INTS8: variants seen among roughly 807,000 people sequenced by gnomAD.
The protein encoded by INTS8 is protein kaonashi-1.
INTS8 carries 47 observed loss-of-function variants against 138.9 expected under a neutral mutation model. That is an observed-to-expected ratio of 0.34 (90% CI 0.27 to 0.43). The LOEUF is 0.43. Ranked by LOEUF, INTS8 falls within the 20% of genes least tolerant of loss-of-function variation. INTS8 has a pLI of 1.00. For missense variants in INTS8, 996 were observed against 1,173.0 expected (o/e 0.85, Z 2.20); for synonymous variants, 392 against 400.9 (o/e 0.98, Z 0.27).
At chr8:94,837,935 A>G (rs545419866) in intron 7 of INTS8, among the ~76,000 whole-genome samples, 1 of 152,290 alleles carries the variant, frequency 6.6e-6, no homozygotes, top group Admixed American at 6.5e-5. Flanking sequence ...GGGACGAACA[A>G]AAACAGACCA....
rs538896447 is a variant in INTS8 at position 94,842,863 on chromosome 8, T to C, written c.1260+375T>C. On this transcript the variant is annotated intron_variant, in intron 10 of 26. Transcript: ENST00000523731. ...AAGAACTCCCAAATCAAGCCTCTTG[T>C]CTGTCATGTGTGCTGTGGAATCTGT... Among the ~76,000 whole-genome samples the C allele has an allele frequency of 2.0e-5, 3 of 152,354 alleles. No homozygotes were observed. The South Asian group carries it at 6.2e-4, about 32-fold the overall frequency.
At chr8:94,863,194 A>G (rs1008368634) in intron 16 of INTS8, among the ~76,000 whole-genome samples, 2 of 152,194 alleles carry the variant, frequency 1.3e-5, no homozygotes, top group Non-Finnish European at 2.9e-5. Flanking sequence ...GTGCTAGTAT[A>G]GGCTAAAACC....
At chr8:94,857,918 G>A (rs1242157081) in intron 15 of INTS8, among the ~76,000 whole-genome samples, 1 of 152,212 alleles carries the variant, frequency 6.6e-6, no homozygotes, top group East Asian at 1.9e-4. Flanking sequence ...GTGTTTGAAA[G>A]AATCAAAATG....
Position 94,859,631 on chromosome 8 carries a change from AG to A in INTS8, c.2076+1del. The A allele has an allele frequency of 6.2e-7, 1 of 1,605,712 alleles. No homozygotes were observed. The highest frequency in any genetic ancestry group is 8.5e-7 in the Non-Finnish European group (1 of 1,173,056). On this transcript the variant is annotated frameshift_variant and splice_region_variant, in exon 16 of 27. Transcript: ENST00000523731. LOFTEE classifies it high-confidence loss of function. The part of the protein sequence containing the change: ...AFLLQSNPYV[K>X]LGQLLAATCK... Reference sequence around the variant, plus strand: ...TTGCTTCAGAGTAATCCATATGTAAAGGTAGTTAATGTTTAAATAAAAGGAT... The same window carrying A: ...TTGCTTCAGAGTAATCCATATGTAAAGTAGTTAATGTTTAAATAAAAGGAT...
intron 16 of INTS8, among the ~76,000 whole-genome samples, chr8:94,862,058 A>G (rs1471292035): frequency 6.6e-5 from 10 of 151,682 alleles, no homozygotes; most frequent in Admixed American, 6.6e-4. Flanking sequence ...CTTGTGCCTC[A>G]GCCTCCCAAG....
chr8:94,870,206 C>T (rs1816347158), intron 20 of INTS8, among the ~76,000 whole-genome samples: 1 of 152,080 alleles, frequency 6.6e-6, no homozygotes, highest in South Asian at 2.1e-4. Flanking sequence ...CGCCCACCAC[C>T]ATGCCTGGCT....
intron 16 of INTS8, among the ~76,000 whole-genome samples, chr8:94,865,291 A>G (rs1816138038): frequency 6.6e-6 from 1 of 152,118 alleles, no homozygotes; most frequent in African/African-American, 2.4e-5. Context: ...CAAAGTTCGT[A>G]TGCTCGAACC....
chr8:94,858,931 C>A (rs1815851404), intron 15 of INTS8, among the ~76,000 whole-genome samples: 1 of 152,154 alleles, frequency 6.6e-6, no homozygotes, highest in South Asian at 2.1e-4. Context: ...ATTAAATGTT[C>A]AGCAACTTGT....
intron 16 of INTS8, among the ~76,000 whole-genome samples, 166 bp from the exon 17 acceptor site, chr8:94,865,340 T>A (rs1367128597): frequency 6.6e-6 from 1 of 152,214 alleles, no homozygotes; most frequent in African/African-American, 2.4e-5. Flanking sequence ...CAGTACGCAA[T>A]GAGCCCTAAA....
rs28399591 is a variant in INTS8, at chr8:94,879,097, G to A, written c.2872-1021G>A. ...TATTCCAACTTCTGTCTCACACTTC[G>A]GGTTTTTATAGCCAGTTATCTTTGG... On this transcript the variant is annotated intron_variant, in intron 26 of 26. Coordinates refer to ENST00000523731, the MANE Select transcript of INTS8 (RefSeq NM_017864.4). Among the ~76,000 whole-genome samples the A allele has an allele frequency of 4.8e-3, 733 of 152,058 alleles. 2 individuals are homozygous for A. Among genetic ancestry groups the A allele is most frequent in the African/African-American group, 0.016 (669 of 41,444 alleles).
chr8:94,843,911 C>T (rs1056342677), intron 10 of INTS8, among the ~76,000 whole-genome samples: 1 of 151,760 alleles, frequency 6.6e-6, no homozygotes, highest in African/African-American at 2.4e-5. Context: ...ATAACAGTAC[C>T]TCATTGAGGT....
intron 13 of INTS8, among the ~76,000 whole-genome samples, chr8:94,853,504 A>G (rs1246543583): frequency 6.6e-6 from 1 of 152,218 alleles, no homozygotes; most frequent in African/African-American, 2.4e-5. Context: ...CAGTAGTAGC[A>G]TAATAGTACT....
rs1288182287 is a variant in INTS8 at position 94,875,905 on chromosome 8, G to A, written c.2689-169G>A. 7.0e-6 allele frequency: 4 copies of A among 571,502 alleles called. No homozygotes were observed. In the East Asian group the frequency reaches 1.2e-4, roughly 17 times the overall value. The allele number at this position is 571,502 out of a possible 1,614,324, so 35.4% of individuals were successfully genotyped here. On this transcript the variant is annotated intron_variant, in intron 23 of 26. Coordinates refer to ENST00000523731, the MANE Select transcript of INTS8 (RefSeq NM_017864.4). ...GAGGTCACTGATGAAGAGAATATTG[G>A]TCAGACAGACACGTGTATAAAGGTT...
chr8:94,830,349 G>C (rs1005072743), intron 5 of INTS8, among the ~76,000 whole-genome samples: 7 of 152,174 alleles, frequency 4.6e-5, no homozygotes, highest in African/African-American at 1.7e-4. Flanking sequence ...GGTAAGAAAC[G>C]ATCTGTATCT....
At chr8:94,851,308 A>G (rs972751036) in intron 12 of INTS8, among the ~76,000 whole-genome samples, 3 of 152,110 alleles carry the variant, frequency 2.0e-5, no homozygotes, top group African/African-American at 4.8e-5. Context: ...TATCTTGTTT[A>G]TATTTTCATT....
intron 15 of INTS8, 70 bp downstream of exon 15, chr8:94,857,048 G>T: frequency 9.9e-7 from 1 of 1,009,852 alleles, no homozygotes; most frequent in Non-Finnish European, 1.5e-6. Flanking sequence ...AAATTTAAAA[G>T]CAGATTTATT....
chr8:94,823,610 G>A (rs1814363883), intron 1 of INTS8, 49 bp downstream of exon 1: 1 of 1,430,022 alleles, frequency 7.0e-7, no homozygotes, highest in African/African-American at 1.4e-5. Flanking sequence ...CACCGGCGCT[G>A]TCCGCCCAGC....
intron 9 of INTS8, 34 bp from the exon 10 acceptor site, chr8:94,842,313 A>C (rs1199087603): frequency 7.0e-7 from 1 of 1,424,678 alleles, no homozygotes; most frequent in East Asian, 2.3e-5. Context: ...TGTAGTAAAA[A>C]TAACATTAGT....
chr8:94,834,387 G>GTGTT (rs1814846032), intron 6 of INTS8, among the ~76,000 whole-genome samples: 1 of 151,790 alleles, frequency 6.6e-6, no homozygotes, highest in Admixed American at 6.6e-5. Context: ...GTGTGTGTGT[G>GTGTT]TGTGTGTGTG....
Sources: allele counts gnomAD v4.1 joint callset (sites outside exome capture counted in the v4.1 genomes callset), GRCh38; gene constraint gnomAD v4.1.1; transcripts MANE v1.5; gene names NCBI Gene and HGNC (gene_info 2026-07-23, HGNC 2026-07-21).